Variants in OLFM4 observed in about 807,000 individuals in gnomAD.
OLFM4 encodes olfactomedin-4.
Under a neutral mutation model 25.5 loss-of-function variants are expected in OLFM4, and 22 were observed. The observed-to-expected ratio is 0.86, with a 90% CI of 0.62 to 1.23. The LOEUF (loss-of-function observed/expected upper bound fraction) is 1.23, where lower values mean the gene tolerates loss of function less well. Among genes scored for constraint, OLFM4 ranks in the 50% most tolerant of loss-of-function variants. The pLI is 0.00. For missense variants in OLFM4, 594 were observed against 619.4 expected (o/e 0.96, Z 0.44); for synonymous variants, 255 against 237.7 (o/e 1.07, Z -0.67).
Position 53,043,891 on chromosome 13 carries a change from G to A in OLFM4, c.730+627G>A, listed in dbSNP as rs145583686. On this transcript the variant is annotated intron_variant, in intron 4 of 4. Coordinates refer to ENST00000219022, the MANE Select transcript of OLFM4 (RefSeq NM_006418.5). ...TTCTTGGAGTAGGGGTGGCATGTTCGTCTTTAATGAATTCTCATTGGGGTT... is the reference window on the plus strand; with the variant it reads ...TTCTTGGAGTAGGGGTGGCATGTTCATCTTTAATGAATTCTCATTGGGGTT... 1.2e-4 allele frequency among the ~76,000 whole-genome samples: 19 copies of A among 152,220 alleles called. No homozygotes were observed. In the East Asian group the frequency reaches 1.5e-3, roughly 12 times the overall value.
At chr13:53,039,003 AC>A in intron 2 of OLFM4, among the ~76,000 whole-genome samples, 1 of 152,250 alleles carries the variant, frequency 6.6e-6, no homozygotes, top group South Asian at 2.1e-4. Flanking sequence ...ATCTTTACAG[AC>A]CCTTCATTTT....
chr13:53,037,095 G>T (rs917235803), intron 2 of OLFM4, among the ~76,000 whole-genome samples: 1 of 152,176 alleles, frequency 6.6e-6, no homozygotes, highest in South Asian at 2.1e-4. Flanking sequence ...TCATTTATCC[G>T]GGGGCCTGGG....
chr13:53,043,675 G>C (rs1003627493), intron 4 of OLFM4, among the ~76,000 whole-genome samples: 7 of 152,010 alleles, frequency 4.6e-5, no homozygotes, highest in African/African-American at 1.7e-4. Flanking sequence ...TGATGAGCTG[G>C]GTTTATGCCT....
intron 2 of OLFM4, among the ~76,000 whole-genome samples, chr13:53,035,284 G>A (rs1954652463): frequency 1.3e-5 from 2 of 151,278 alleles, no homozygotes; most frequent in African/African-American, 4.9e-5. Flanking sequence ...TTCTCCAAGT[G>A]AAATCCAAGG....
At chr13:53,047,502 C>T (rs959268295) in intron 4 of OLFM4, among the ~76,000 whole-genome samples, 1 of 152,056 alleles carries the variant, frequency 6.6e-6, no homozygotes, top group African/African-American at 2.4e-5. Flanking sequence ...TCTACCACAG[C>T]CGGGGCCCTA....
chr13:53,036,347 A>G (rs760983555), intron 2 of OLFM4, among the ~76,000 whole-genome samples: 9 of 152,258 alleles, frequency 5.9e-5, no homozygotes, highest in Non-Finnish European at 1.2e-4. Flanking sequence ...GGAAAATCCT[A>G]GGTAAAGATC....
intron 2 of OLFM4, among the ~76,000 whole-genome samples, chr13:53,040,494 G>A (rs181271207): frequency 3.2e-4 from 49 of 152,300 alleles, no homozygotes; most frequent in Non-Finnish European, 6.0e-4. Flanking sequence ...TCGGCATAGC[G>A]CATTTCTCCC....
intron 2 of OLFM4, among the ~76,000 whole-genome samples, chr13:53,041,484 G>A (rs1954686478): frequency 6.6e-6 from 1 of 152,142 alleles, no homozygotes; most frequent in Non-Finnish European, 1.5e-5. Context: ...GAGGGTGAAA[G>A]GAGGGAGAGG....
At chr13:53,039,221 G>A (rs2138235728) in intron 2 of OLFM4, among the ~76,000 whole-genome samples, 1 of 152,304 alleles carries the variant, frequency 6.6e-6, no homozygotes, top group South Asian at 2.1e-4. Context: ...CCAAGAGCTG[G>A]CAAGGCCAAA....
At chr13:53,047,087 C>G (rs1018879746) in intron 4 of OLFM4, among the ~76,000 whole-genome samples, 3 of 152,194 alleles carry the variant, frequency 2.0e-5, no homozygotes, top group Non-Finnish European at 4.4e-5. Flanking sequence ...GCTGTGTGTT[C>G]TCTTCCACCA....
At position 53,028,897 on chromosome 13, in the gene OLFM4, G is replaced by C. The variant is rs886477899; in HGVS notation, c.61G>C (p.Asp21His). ...LLFFLGQAAG[D>H]LGDVGPPIPS... ...GTTCTTCCTTGGCCAAGCTGCAGGG[G>C]ATTTGGGGGATGTGGGACCTCCAAT... The change falls in exon 1 of 5, where the codon GAT becomes CAT. Residue 21 changes from aspartate to histidine, a missense_variant. Transcript: ENST00000219022. 1.2e-6 allele frequency: 2 copies of C among 1,614,122 alleles called. No homozygotes were observed. The highest frequency in any genetic ancestry group is 2.7e-5 in the African/African-American group (2 of 74,942).
At chr13:53,041,439 C>T (rs1225387836) in intron 2 of OLFM4, among the ~76,000 whole-genome samples, 1 of 151,982 alleles carries the variant, frequency 6.6e-6, no homozygotes, top group Non-Finnish European at 1.5e-5. Flanking sequence ...CACATGGACA[C>T]AAAGAGGAGA....
intron 2 of OLFM4, among the ~76,000 whole-genome samples, chr13:53,036,916 A>T (rs1954661921): frequency 6.6e-6 from 1 of 152,176 alleles, no homozygotes; most frequent in African/African-American, 2.4e-5. Context: ...GAGTCTTCAA[A>T]ATCATCTCAA....
chr13:53,040,749 G>C (rs1954682682), intron 2 of OLFM4, among the ~76,000 whole-genome samples: 1 of 152,216 alleles, frequency 6.6e-6, no homozygotes, highest in East Asian at 1.9e-4. Context: ...TAACAGTGCT[G>C]AGGTTGAGAA....
intron 2 of OLFM4, among the ~76,000 whole-genome samples, chr13:53,035,246 G>C (rs1566316000): frequency 6.6e-6 from 1 of 151,342 alleles, no homozygotes; most frequent in Non-Finnish European, 1.5e-5. Flanking sequence ...GTGACAATAA[G>C]TTGTAGTCTC....
In OLFM4 at chr13:53,051,077, G is replaced by T; in HGVS notation, c.*306G>T. On this transcript the variant is annotated 3_prime_UTR_variant, in exon 5 of 5. Coordinates refer to ENST00000219022, the MANE Select transcript of OLFM4 (RefSeq NM_006418.5). ...GGCTTCACTAGAAGCCTTAAATTAG[G>T]AATTAAGGAACTTAAAACTCAGTAT... 1 of 264,260 alleles carries T rather than the reference G, an allele frequency of 3.8e-6. No homozygotes were observed. The highest frequency in any genetic ancestry group is 5.0e-5 in the Admixed American group (1 of 20,004). The allele number at this position is 264,260 out of a possible 1,614,324, so 16.4% of individuals were successfully genotyped here.
Position 53,050,470 on chromosome 13 carries a change from A to G in OLFM4, c.1232A>G (p.Asn411Ser), listed in dbSNP as rs928073819. 8.7e-6 allele frequency: 14 copies of G among 1,613,974 alleles called. No individual in the cohort carries two copies. The highest frequency in any genetic ancestry group is 1.7e-5 in the Admixed American group (1 of 59,982). ...GGTAACATGGTGATTAGTAAACTCA[A>G]TGACACCACACTTCAGGTGCTAAAC... ...STGNMVISKL[N>S]DTTLQVLNTW... Residue 411 changes from asparagine to serine, a missense_variant, in exon 5 of 5, where the codon AAT becomes AGT. Coordinates refer to ENST00000219022, the MANE Select transcript of OLFM4 (RefSeq NM_006418.5).
At chr13:53,043,837 G>A (rs1306678186) in intron 4 of OLFM4, among the ~76,000 whole-genome samples, 2 of 152,208 alleles carry the variant, frequency 1.3e-5, no homozygotes, top group Non-Finnish European at 2.9e-5. Context: ...GCTTGTGGGT[G>A]TGTCTTGCCA....
Position 53,050,367 on chromosome 13 carries a change from A to G in OLFM4, c.1129A>G (p.Asn377Asp). ...AAYNNRFSYA[N>D]VAWQDIDFAV... is the part of the protein sequence containing the mutation. ...CTATAATAACCGCTTTTCATATGCT[A>G]ATGTTGCTTGGCAAGATATTGACTT... is the stretch of plus-strand genomic sequence containing the variant. The change falls in exon 5 of 5, where the codon AAT becomes GAT. Residue 377 changes from asparagine to aspartate, a missense_variant. Transcript: ENST00000219022. 3 of 1,614,050 alleles carry G rather than the reference A, an allele frequency of 1.9e-6. No homozygotes were observed. The highest frequency in any genetic ancestry group is 2.5e-6 in the Non-Finnish European group (3 of 1,179,964).
Sources: allele counts gnomAD v4.1 joint callset (sites outside exome capture counted in the v4.1 genomes callset), GRCh38; gene constraint gnomAD v4.1.1; transcripts MANE v1.5; gene names NCBI Gene and HGNC (gene_info 2026-07-23, HGNC 2026-07-21).